Variants in RRAS observed in about 807,000 individuals in gnomAD.
The protein encoded by RRAS is ras-related protein R-Ras.
RRAS carries 18 observed loss-of-function variants against 23.3 expected under a neutral mutation model. The ratio of observed to expected loss-of-function variants is 0.77; its 90% CI spans 0.53 to 1.15. The LOEUF (loss-of-function observed/expected upper bound fraction) is 1.15, where lower values mean the gene tolerates loss of function less well. RRAS is among the 50% of genes most tolerant of loss of function. The probability of loss-of-function intolerance (pLI) is 0.00; values close to 1 mark genes in which losing one functional copy is unlikely to be tolerated. For missense variants in RRAS, 291 were observed against 317.1 expected, an observed-to-expected ratio of 0.92 and a Z score of 0.62; for synonymous variants, 133 against 138.3, an observed-to-expected ratio of 0.96 and a Z score of 0.27.
rs546673930 is a variant in RRAS, at chr19:49,635,623, T to C, written c.610A>G (p.Ser204Gly). ...QEQELPPSPP[S>G]APRKKGGGCP... ...CCCCCGCCCTTCTTCCTGGGGGCACTGGGAGGGCTCGGTGGGAGCTCTTGT... is the reference window on the plus strand; with the variant it reads ...CCCCCGCCCTTCTTCCTGGGGGCACCGGGAGGGCTCGGTGGGAGCTCTTGT... Residue 204 changes from serine to glycine, a missense_variant, in exon 6 of 6, where the codon AGT (serine) becomes GGT (glycine). By Grantham distance (56) the Ser-to-Gly change is moderately conservative. Coordinates refer to ENST00000246792, the MANE Select transcript of RRAS (RefSeq NM_006270.5). 1.5e-5 allele frequency: 22 copies of C among 1,435,550 alleles called. No individual in the cohort carries two copies. The highest frequency in any genetic ancestry group is 2.0e-5 in the Non-Finnish European group (22 of 1,083,406). 88.9% of individuals were successfully genotyped at this position (1,435,550 alleles called of 1,614,324 possible).
rs2081001271 is a variant in RRAS at position 49,637,244 on chromosome 19, G to A, written c.154-114C>T. On this transcript the variant is annotated intron_variant, in intron 1 of 5. Transcript: ENST00000246792. ...CCTCTCTCTCTAAATGTCTGTCCCTGTTGCTGGGTCTCTGCCCCCTTTTCT... is the reference window on the plus strand; with the variant it reads ...CCTCTCTCTCTAAATGTCTGTCCCTATTGCTGGGTCTCTGCCCCCTTTTCT... 1.1e-5 allele frequency: 8 copies of A among 714,240 alleles called. No individual in the cohort carries two copies. The South Asian group carries it at 1.2e-4, about 11-fold the overall frequency. 44.2% of individuals were successfully genotyped at this position (714,240 alleles called of 1,614,324 possible).
chr19:49,640,142 CCGGGCGGGACCCGGGGGGG>C (rs2081016461), exon 1 of RRAS: 31 of 1,353,006 alleles, frequency 2.3e-5, no homozygotes, highest in Non-Finnish European at 2.8e-5. Context: ...TGCGGGGGAG[CCGGGCGGGACCCGGGGGGG>C]CGGGCTACGC....
intron 4 of RRAS, 61 bp from the exon 5 acceptor site, chr19:49,635,913 GAGAC>G (rs959796143): frequency 4.6e-5 from 39 of 855,772 alleles, no homozygotes; most frequent in Middle Eastern, 3.4e-4. Context: ...CGCAGCCAGA[GAGAC>G]AGACAGGCAG....
chr19:49,637,785 C>T (rs1000205836), intron 1 of RRAS, among the ~76,000 whole-genome samples: 5 of 147,460 alleles, frequency 3.4e-5, no homozygotes, highest in Non-Finnish European at 7.5e-5. Flanking sequence ...CCCCACCCCT[C>T]CTACCAGTCT....
chr19:49,639,535 G>A (rs965837687), intron 1 of RRAS, among the ~76,000 whole-genome samples: 1 of 152,118 alleles, frequency 6.6e-6, no homozygotes, highest in African/African-American at 2.4e-5. Context: ...ATGGCTTAGA[G>A]GGGAAGTTGG....
chr19:49,637,277 T>G lies in RRAS; in HGVS notation c.154-147A>C. On this transcript the variant is annotated intron_variant, in intron 1 of 5. Coordinates refer to ENST00000246792, the MANE Select transcript of RRAS (RefSeq NM_006270.5). The stretch of plus-strand genomic sequence containing the variant: ...GTCTCTGCCCCCTTTTCTCTGGGTC[T>G]CTGTCCCGTCTGTCTCTCTGAGTCT... 3 of 584,862 alleles carry G rather than the reference T, an allele frequency of 5.1e-6. No homozygotes were observed. The South Asian group carries it at 5.8e-5, about 11-fold the overall frequency. The allele number at this position is 584,862 out of a possible 1,614,324, so 36.2% of individuals were successfully genotyped here. A position where few individuals can be genotyped will look rare whatever the true frequency, so the allele number is the denominator to read the frequency against.
At position 49,636,947 on chromosome 19, in the gene RRAS, G is replaced by A. The variant is rs1221691539; in HGVS notation, c.242-21C>T. The A allele has an allele frequency of 6.2e-7, 1 of 1,610,612 alleles. No homozygotes were observed. On this transcript the variant is annotated intron_variant, in intron 2 of 5. Coordinates refer to ENST00000246792, the MANE Select transcript of RRAS (RefSeq NM_006270.5). This position sits in a 1 kb window ranked among gnomAD's most constrained non-coding sequence, Gnocchi z 4.5. ...CAGGACTGCAGAGACAGGGAGAGGGGCCATCGTGGGGACCAGGCTCCCCGC... is the reference window on the plus strand; with the variant it reads ...CAGGACTGCAGAGACAGGGAGAGGGACCATCGTGGGGACCAGGCTCCCCGC...
intron 1 of RRAS, among the ~76,000 whole-genome samples, chr19:49,638,829 A>G (rs1477539018): frequency 6.7e-6 from 1 of 148,640 alleles, no homozygotes; most frequent in African/African-American, 2.5e-5. Flanking sequence ...CATGGAGATG[A>G]TTTGAGAGCT....
In RRAS at chr19:49,636,690, G is replaced by T; in HGVS notation, c.382C>A (p.Arg128=). 6.2e-7 allele frequency: 1 copy of T among 1,614,126 alleles called. No homozygotes were observed. Among genetic ancestry groups the T allele is most frequent in the Non-Finnish European group, 8.5e-7 (1 of 1,179,986 alleles). Residue 128 remains arginine, a synonymous_variant, in exon 4 of 6, where the codon CGG becomes AGG. Transcript: ENST00000246792. The surrounding 1 kb of genome is among the most constrained non-coding windows in gnomAD (Gnocchi z 4.5). ...GGGAAGTCGTCGCGGTCCTTGACCC[G>T]CAGAATCTGCGTGAAGAGCTTGCCC... ...EVGKLFTQIL[R]VKDRDDFPVV... is the part of the protein sequence containing the mutation.
Position 49,635,673 on chromosome 19 carries a change from G to A in RRAS, c.573-13C>T, listed in dbSNP as rs372538436. On this transcript the variant is annotated splice_polypyrimidine_tract_variant and intron_variant, in intron 5 of 5. Transcript: ENST00000246792. ...TTCCTGGTATTTCCTGTGGGAAAAC[G>A]CCAGTGAGTTTGGAGTGGAAGGGCT... is the stretch of plus-strand genomic sequence containing the variant. The A allele has an allele frequency of 5.5e-5, 81 of 1,476,450 alleles. No homozygotes were observed. The highest frequency in any genetic ancestry group is 6.3e-5 in the Non-Finnish European group (69 of 1,098,976). The allele number at this position is 1,476,450 out of a possible 1,614,324, so 91.5% of individuals were successfully genotyped here. A position where few individuals can be genotyped will look rare whatever the true frequency, so the allele number is the denominator to read the frequency against.
At position 49,639,937 on chromosome 19, in the gene RRAS, G is replaced by A. The variant is rs1211759976; in HGVS notation, c.153+9C>T. ...CCGGGGGACACCCTCCCGGGTGAGG[G>A]CCCACTACCTGGATGAACTGGATGG... is the stretch of plus-strand genomic sequence containing the variant. On this transcript the variant is annotated intron_variant, in intron 1 of 5. Coordinates refer to ENST00000246792, the MANE Select transcript of RRAS (RefSeq NM_006270.5). 1.3e-6 allele frequency: 2 copies of A among 1,582,060 alleles called. No individual in the cohort carries two copies. The highest frequency in any genetic ancestry group is 8.5e-7 in the Non-Finnish European group (1 of 1,170,348).
chr19:49,636,181 C>A lies in RRAS; in HGVS notation c.454-329G>T, dbSNP rs2080995401. On this transcript the variant is annotated intron_variant, in intron 4 of 5. Coordinates refer to ENST00000246792, the MANE Select transcript of RRAS (RefSeq NM_006270.5). This position sits in a 1 kb window ranked among gnomAD's most constrained non-coding sequence, Gnocchi z 4.5. ...AGAGCCTTTGCCAGATGGATGAGTT[C>A]TGTGTGGAAATCGTTGTGGGGGAAG... 6.6e-6 allele frequency among the ~76,000 whole-genome samples: 1 copy of A among 151,884 alleles called. No homozygotes were observed.
intron 4 of RRAS, 107 bp from the exon 5 acceptor site, chr19:49,635,959 G>A (rs1168046386): frequency 3.9e-5 from 22 of 562,404 alleles, no homozygotes; most frequent in Non-Finnish European, 6.3e-6. Context: ...GACCCACTGT[G>A]AGAACTCAAA....
Position 49,635,542 on chromosome 19 carries a change from A to G in RRAS, c.*34T>C. ...CAAGGTGCGAAGGCAGCTAGTCCCG[A>G]GAGCTTGTGGTGGTTGCTTCTCTCT... On this transcript the variant is annotated 3_prime_UTR_variant, in exon 6 of 6. Coordinates refer to ENST00000246792, the MANE Select transcript of RRAS (RefSeq NM_006270.5). 1 of 1,346,358 alleles carries G rather than the reference A, an allele frequency of 7.4e-7. No homozygotes were observed. Among genetic ancestry groups the G allele is most frequent in the East Asian group, 2.6e-5 (1 of 38,190 alleles). The allele number at this position is 1,346,358 out of a possible 1,614,324, so 83.4% of individuals were successfully genotyped here. A position where few individuals can be genotyped will look rare whatever the true frequency, so the allele number is the denominator to read the frequency against.
rs756447228 is a variant in RRAS, at chr19:49,637,057, G to A, written c.227C>T (p.Pro76Leu). The A allele has an allele frequency of 1.9e-6, 3 of 1,613,696 alleles. No individual in the cohort carries two copies. Among genetic ancestry groups the A allele is most frequent in the Non-Finnish European group, 2.5e-6 (3 of 1,179,950 alleles). The change falls in exon 2 of 6, where the codon CCA becomes CTA. Residue 76 changes from proline to leucine, a missense_variant. Transcript: ENST00000246792. The stretch of plus-strand genomic sequence containing the variant: ...GCCGCCCTCACTGTCCAGCCGGGCT[G>A]GGATGCCATCCACACTGCAGATCTT... ...YTKICSVDGI[P>L]ARLDILDTAG...
chr19:49,635,626 G>A lies in RRAS; in HGVS notation c.607C>T (p.Pro203Ser). Residue 203 changes from proline (P) to serine (S), a missense_variant, in exon 6 of 6, where the codon CCC becomes TCC. By Grantham distance (74) the Pro-to-Ser change is moderately conservative. Transcript: ENST00000246792. ...YQEQELPPSP[P>S]SAPRKKGGGC... is the part of the protein sequence containing the mutation. ...CCGCCCTTCTTCCTGGGGGCACTGG[G>A]AGGGCTCGGTGGGAGCTCTTGTTCC... 2 of 1,440,674 alleles carry A rather than the reference G, an allele frequency of 1.4e-6. No individual in the cohort carries two copies. The highest frequency in any genetic ancestry group is 1.8e-6 in the Non-Finnish European group (2 of 1,085,772). The allele number at this position is 1,440,674 out of a possible 1,614,324, so 89.2% of individuals were successfully genotyped here. A position where few individuals can be genotyped will look rare whatever the true frequency, so the allele number is the denominator to read the frequency against.
chr19:49,635,614 T>TG lies in RRAS; in HGVS notation c.618dup (p.Arg207GlnfsTer102). On this transcript the variant is annotated frameshift_variant, in exon 6 of 6. Coordinates refer to ENST00000246792, the MANE Select transcript of RRAS (RefSeq NM_006270.5). LOFTEE classifies it high-confidence loss of function. The stretch of plus-strand genomic sequence containing the variant: ...CAGGGGCAGCCCCCGCCCTTCTTCC[T>TG]GGGGGCACTGGGAGGGCTCGGTGGG... The TG allele has an allele frequency of 1.4e-6, 2 of 1,430,878 alleles. No homozygotes were observed. Among genetic ancestry groups the TG allele is most frequent in the Non-Finnish European group, 1.8e-6 (2 of 1,082,378 alleles). 88.6% of individuals were successfully genotyped at this position (1,430,878 alleles called of 1,614,324 possible).
chr19:49,635,788 G>T lies in RRAS; in HGVS notation c.518C>A (p.Ala173Asp). ...SHHVAYFEAS[A>D]KLRLNVDEAF... ...CTCGTCCACGTTGAGACGCAGTTTGGCCGAGGCCTCAAAGTAGGCCACGTG... is the reference window on the plus strand; with the variant it reads ...CTCGTCCACGTTGAGACGCAGTTTGTCCGAGGCCTCAAAGTAGGCCACGTG... Residue 173 changes from alanine to aspartate, a missense_variant, in exon 5 of 6, where the codon GCC (alanine) becomes GAC (aspartate). Physicochemically the swap from Ala to Asp is moderately radical, Grantham distance 126. Transcript: ENST00000246792. 1 of 1,598,842 alleles carries T rather than the reference G, an allele frequency of 6.3e-7. No homozygotes were observed. The highest frequency in any genetic ancestry group is 8.6e-7 in the Non-Finnish European group (1 of 1,168,848).
In RRAS at chr19:49,636,651, C is replaced by T. The variant is rs373485975; in HGVS notation, c.421G>A (p.Gly141Arg). ...DRDDFPVVLV[G>R]NKADLESQRQ... ...TGTGACTCCAGATCTGCCTTGTTCC[C>T]GACCAACACAACGGGGAAGTCGTCG... is the stretch of plus-strand genomic sequence containing the variant. Residue 141 changes from glycine (G) to arginine (R), a missense_variant, in exon 4 of 6, where the codon GGG (glycine) becomes AGG (arginine). By Grantham distance (125) the Gly-to-Arg change is moderately radical (BLOSUM62 -2). Transcript: ENST00000246792. The surrounding 1 kb of genome is among the most constrained non-coding windows in gnomAD (Gnocchi z 4.5). 1.7e-5 allele frequency: 28 copies of T among 1,613,938 alleles called. No homozygotes were observed. Among genetic ancestry groups the T allele is most frequent in the African/African-American group, 4.0e-5 (3 of 74,896 alleles).
Sources: gnomAD v4.1 joint callset for allele counts (sites outside exome capture counted in the v4.1 genomes callset) on GRCh38, gnomAD v4.1.1 for gene constraint, Gnocchi (gnomAD v3.1) non-coding constraint, MANE v1.5 for transcripts, NCBI Gene and HGNC (gene_info 2026-07-23, HGNC 2026-07-21) for gene names.